The following KIF26B variants were observed in gnomAD, a reference collection of about 807,000 sequenced individuals.
The protein encoded by KIF26B is kinesin family member 26B, also known as kinesin-like protein KIF26B.
KIF26B carries 63 observed loss-of-function variants against 151.2 expected under a neutral mutation model. The ratio of observed to expected loss-of-function variants is 0.42; its 90% CI spans 0.34 to 0.51. KIF26B has a LOEUF of 0.51. Ranked by LOEUF, KIF26B falls within the 20% of genes least tolerant of loss-of-function variation. The probability of loss-of-function intolerance (pLI) is 0.07; values close to 1 mark genes in which losing one functional copy is unlikely to be tolerated. For synonymous variants in KIF26B, 1,357 were observed against 1,262.1 expected (o/e 1.08, Z -1.59); for missense variants, 2,813 against 2,913.6 (o/e 0.97, Z 0.79).
intron 2 of KIF26B, among the ~76,000 whole-genome samples, chr1:245,259,385 G>C (rs1007621975): frequency 6.6e-6 from 1 of 152,114 alleles, no homozygotes; most frequent in South Asian, 2.1e-4. Context: ...AGGCTCCATC[G>C]CTGAAATGCA....
intron 4 of KIF26B, among the ~76,000 whole-genome samples, chr1:245,480,911 T>C (rs977486175): frequency 6.6e-6 from 1 of 150,892 alleles, no homozygotes; most frequent in Non-Finnish European, 1.5e-5. Flanking sequence ...AGAAAAGGAG[T>C]CTGCAAGATC....
At chr1:245,431,335 T>C (rs1198223277) in intron 4 of KIF26B, among the ~76,000 whole-genome samples, 6 of 146,304 alleles carry the variant, frequency 4.1e-5, no homozygotes, top group Non-Finnish European at 8.9e-5. Context: ...CCCGCCACCA[T>C]GCCCAGCTAA....
intron 2 of KIF26B, among the ~76,000 whole-genome samples, chr1:245,207,050 A>T (rs938104876): frequency 6.6e-6 from 1 of 152,190 alleles, no homozygotes; most frequent in African/African-American, 2.4e-5. Flanking sequence ...CGGAGAGAGA[A>T]GCCTGTGTCC....
chr1:245,390,838 C>G (rs1347089897), intron 3 of KIF26B, among the ~76,000 whole-genome samples: 1 of 142,922 alleles, frequency 7.0e-6, no homozygotes, highest in Non-Finnish European at 1.5e-5. Flanking sequence ...TTAGTCCAAA[C>G]CATTTGGGAG....
At chr1:245,526,121 C>G (rs1233786387) in intron 4 of KIF26B, among the ~76,000 whole-genome samples, 1 of 150,616 alleles carries the variant, frequency 6.6e-6, no homozygotes, top group African/African-American at 2.5e-5. Flanking sequence ...ACTAAATCTT[C>G]CTGAAGATTT....
intron 2 of KIF26B, among the ~76,000 whole-genome samples, chr1:245,292,544 T>TC (rs1180003137): frequency 6.6e-6 from 1 of 151,912 alleles, no homozygotes; most frequent in Admixed American, 6.6e-5. Context: ...TTGCCCATAT[T>TC]CCCCCCATTG....
At chr1:245,210,335 G>T (rs1384306828) in intron 2 of KIF26B, among the ~76,000 whole-genome samples, 1 of 152,156 alleles carries the variant, frequency 6.6e-6, no homozygotes, top group Non-Finnish European at 1.5e-5. Flanking sequence ...GGACCACCCC[G>T]CACAGGCCCA....
At chr1:245,177,665 G>GGTGTGT (rs111597803) in intron 2 of KIF26B, among the ~76,000 whole-genome samples, 48 of 149,172 alleles carry the variant, frequency 3.2e-4, no homozygotes, top group East Asian at 2.5e-3. Flanking sequence ...TGTCCTTAGG[G>GGTGTGT]GTGTGTGTGT....
chr1:245,346,810 G>C (rs894476230), intron 2 of KIF26B, among the ~76,000 whole-genome samples: 1 of 152,006 alleles, frequency 6.6e-6, no homozygotes, highest in Non-Finnish European at 1.5e-5. Flanking sequence ...CTAAAACCTT[G>C]ACTGAAAACA....
chr1:245,643,537 A>G (rs1415944638), intron 9 of KIF26B, among the ~76,000 whole-genome samples: 1 of 152,116 alleles, frequency 6.6e-6, no homozygotes, highest in Non-Finnish European at 1.5e-5. Flanking sequence ...AAACATTTTA[A>G]TTTTACATAT....
chr1:245,529,721 G>A (rs956990893), intron 4 of KIF26B, among the ~76,000 whole-genome samples: 2 of 152,036 alleles, frequency 1.3e-5, no homozygotes, highest in African/African-American at 4.8e-5. Context: ...TTATACTATC[G>A]AAAGGAAACA....
In KIF26B at chr1:245,229,090, C is replaced by T. The variant is rs574240773; in HGVS notation, c.465+72407C>T. On this transcript the variant is annotated intron_variant, in intron 2 of 14. Transcript: ENST00000407071. The stretch of plus-strand genomic sequence containing the variant: ...CAAGCGATTCACATGTCTCAGCCTC[C>T]CTAGTAGGTCAGACTACAGGCACGT... Among the ~76,000 whole-genome samples, 140 of 152,240 alleles carry T rather than the reference C, an allele frequency of 9.2e-4. 1 individual carries two copies. The highest frequency in any genetic ancestry group is 3.3e-3 in the African/African-American group (135 of 41,538).
In KIF26B at chr1:245,572,289, C is replaced by A. The variant is rs2043073141; in HGVS notation, c.1351-30288C>A. The stretch of plus-strand genomic sequence containing the variant: ...TCAGGGTTGTGATCCCTTTTGGAGA[C>A]AGAAGGAGGTAGACGTGCTTTTGTG... On this transcript the variant is annotated intron_variant, in intron 5 of 14. Coordinates refer to ENST00000407071, the MANE Select transcript of KIF26B (RefSeq NM_018012.4). This position sits in a 1 kb window ranked among gnomAD's most constrained non-coding sequence, Gnocchi z 4.2. 6.6e-6 allele frequency among the ~76,000 whole-genome samples: 1 copy of A among 152,152 alleles called. No individual in the cohort carries two copies. Among genetic ancestry groups the A allele is most frequent in the South Asian group, 2.1e-4 (1 of 4,826 alleles).
At chr1:245,370,378 C>A (rs543841350) in intron 3 of KIF26B, among the ~76,000 whole-genome samples, 1 of 148,654 alleles carries the variant, frequency 6.7e-6, no homozygotes, top group South Asian at 2.4e-4. Context: ...TCATTACTTT[C>A]AATGGCAAAA....
chr1:245,504,081 C>T (rs1660678502), intron 4 of KIF26B, among the ~76,000 whole-genome samples: 4 of 152,156 alleles, frequency 2.6e-5, no homozygotes, highest in Admixed American at 2.0e-4. Flanking sequence ...GTCATATCTT[C>T]TCTGCACACT....
chr1:245,612,795 G>T (rs894152141), intron 9 of KIF26B, among the ~76,000 whole-genome samples: 2 of 152,136 alleles, frequency 1.3e-5, no homozygotes, highest in Non-Finnish European at 2.9e-5. Context: ...GTCAGTGAAG[G>T]TTTACTGTCA....
chr1:245,189,795 G>T (rs935306391), intron 2 of KIF26B, among the ~76,000 whole-genome samples: 1 of 152,172 alleles, frequency 6.6e-6, no homozygotes, highest in African/African-American at 2.4e-5. Context: ...CATGAGACTG[G>T]GTAATTTATA....
At chr1:245,412,359 C>T (rs1056728154) in intron 3 of KIF26B, among the ~76,000 whole-genome samples, 5 of 152,138 alleles carry the variant, frequency 3.3e-5, no homozygotes, top group Non-Finnish European at 7.4e-5. Flanking sequence ...CATTAAATGT[C>T]ATTAATTAAA....
intron 3 of KIF26B, among the ~76,000 whole-genome samples, chr1:245,397,481 G>T (rs1673877915): frequency 6.6e-6 from 1 of 152,136 alleles, no homozygotes; most frequent in Non-Finnish European, 1.5e-5. Flanking sequence ...CTCCCAAAGT[G>T]CTGGGATTAC....
Sources: gnomAD v4.1 joint callset for allele counts (sites outside exome capture counted in the v4.1 genomes callset) on GRCh38, gnomAD v4.1.1 for gene constraint, Gnocchi (gnomAD v3.1) non-coding constraint, MANE v1.5 for transcripts, NCBI Gene and HGNC (gene_info 2026-07-23, HGNC 2026-07-21) for gene names.